Variants in TMEM67 observed in about 807,000 individuals in gnomAD.
TMEM67 encodes transmembrane protein 67.
Under a neutral mutation model 136.6 loss-of-function variants are expected in TMEM67, and 124 were observed. The observed-to-expected ratio is 0.91, with a 90% CI of 0.78 to 1.05. The LOEUF (loss-of-function observed/expected upper bound fraction) is 1.05, where lower values mean the gene tolerates loss of function less well. TMEM67 is among the 50% of genes least tolerant of loss of function. TMEM67 has a pLI of 0.00. For synonymous variants in TMEM67, 364 were observed against 390.5 expected (o/e 0.93, Z 0.80); for missense variants, 1,107 against 1,178.4 (o/e 0.94, Z 0.89).
chr8:93,770,419 T>C (rs1220041604), intron 6 of TMEM67, among the ~76,000 whole-genome samples: 2 of 152,168 alleles, frequency 1.3e-5, no homozygotes, highest in Admixed American at 1.3e-4. Flanking sequence ...ACCCAAATTT[T>C]CCCAGTTGTT....
At chr8:93,767,481 G>A (rs1389683321) in intron 6 of TMEM67, among the ~76,000 whole-genome samples, 1 of 152,132 alleles carries the variant, frequency 6.6e-6, no homozygotes, top group Admixed American at 6.5e-5. Context: ...GTTGCCAAAG[G>A]TTAATTTTGG....
In TMEM67 at chr8:93,755,818, T is replaced by C; in HGVS notation, c.264T>C (p.Ser88=). The C allele has an allele frequency of 6.6e-7, 1 of 1,514,622 alleles. No individual in the cohort carries two copies. The highest frequency in any genetic ancestry group is 9.1e-7 in the Non-Finnish European group (1 of 1,104,116). The allele number at this position is 1,514,622 out of a possible 1,614,324, so 93.8% of individuals were successfully genotyped here. A position where few individuals can be genotyped will look rare whatever the true frequency, so the allele number is the denominator to read the frequency against. Residue 88 remains serine (S), a synonymous_variant, in exon 2 of 28, where the codon TCT becomes TCC. Transcript: ENST00000453321. ...CVCLPGFQMI[S]NNGGPAIICK... is the part of the protein sequence containing the mutation. The stretch of plus-strand genomic sequence containing the variant: ...GTCTACCAGGATTTCAGATGATCTC[T>C]AATAATGGAGGACCTGCTATTATTT...
At chr8:93,830,275 C>T in the TMEM67 span, among the ~76,000 whole-genome samples, 7 of 152,222 alleles carry the variant, frequency 4.6e-5, no homozygotes, top group South Asian at 6.2e-4. Context: ...CTGCACCCTT[C>T]CCCCCATGCC....
At chr8:93,795,565 C>G (rs1057158382) in intron 17 of TMEM67, 58 bp downstream of exon 17, 15 of 1,396,498 alleles carry the variant, frequency 1.1e-5, no homozygotes, top group Non-Finnish European at 1.5e-5. Flanking sequence ...GAAAAGCTTT[C>G]TTTATAAAGG....
intron 2 of TMEM67, chr8:93,757,088 A>G (rs1474193552): frequency 2.2e-5 from 2 of 89,100 alleles, no homozygotes; most frequent in African/African-American, 8.6e-5. Flanking sequence ...AAATAAATAA[A>G]ATATAAATAA....
intron 3 of TMEM67, among the ~76,000 whole-genome samples, chr8:93,760,836 C>T (rs1486850435): frequency 6.6e-6 from 1 of 151,840 alleles, no homozygotes; most frequent in Non-Finnish European, 1.5e-5. Context: ...TGTAAAGCTC[C>T]TACAGATAAA....
intron 18 of TMEM67, 61 bp from the exon 19 acceptor site, chr8:93,797,073 G>C: frequency 2.0e-6 from 2 of 983,942 alleles, no homozygotes; most frequent in Non-Finnish European, 3.3e-6. Context: ...GTCAATATTG[G>C]TTTTATAAGC....
At chr8:93,756,509 A>G (rs942043787) in intron 2 of TMEM67, 3 of 152,172 alleles carry the variant, frequency 2.0e-5, no homozygotes, top group Non-Finnish European at 2.9e-5. Context: ...TCTCATTGTC[A>G]TATAAAAAAT....
intron 3 of TMEM67, chr8:93,758,873 A>G: frequency 3.1e-6 from 1 of 323,526 alleles, no homozygotes; most frequent in Non-Finnish European, 5.8e-6. Flanking sequence ...TGCTGGGATT[A>G]TAGGCATCAG....
At chr8:93,777,855 G>T (rs528824421) in intron 7 of TMEM67, among the ~76,000 whole-genome samples, 21 of 152,290 alleles carry the variant, frequency 1.4e-4, no homozygotes, top group Admixed American at 7.2e-4. Flanking sequence ...GAGTTCTGTA[G>T]GTGTCTATTA....
intron 16 of TMEM67, among the ~76,000 whole-genome samples, chr8:93,794,334 C>G (rs952047119): frequency 6.6e-6 from 1 of 152,164 alleles, no homozygotes; most frequent in Non-Finnish European, 1.5e-5. Flanking sequence ...TTTATACTTT[C>G]ACTTCATGGT....
At chr8:93,803,498 T>C in intron 21 of TMEM67, 106 bp from the exon 22 acceptor site, 1 of 701,580 alleles carries the variant, frequency 1.4e-6, no homozygotes. Flanking sequence ...TAAAGGCCAC[T>C]GTGCTTTTGG....
At chr8:93,771,043 T>G (rs141918892) in intron 6 of TMEM67, among the ~76,000 whole-genome samples, 4 of 152,020 alleles carry the variant, frequency 2.6e-5, no homozygotes, top group Non-Finnish European at 2.9e-5. Context: ...GATTTCTTGG[T>G]CATAGTTGTG....
the TMEM67 span, among the ~76,000 whole-genome samples, chr8:93,828,521 C>T: frequency 1.3e-5 from 2 of 152,152 alleles, no homozygotes; most frequent in Admixed American, 1.3e-4. Flanking sequence ...GGGTGGATTG[C>T]TTGAGGTCAA....
chr8:93,820,249 C>A (rs144300242), downstream of TMEM67, among the ~76,000 whole-genome samples: 2 of 152,216 alleles, frequency 1.3e-5, no homozygotes, highest in African/African-American at 4.8e-5. Context: ...AAGAAACTTT[C>A]CTGTCTCCCC....
chr8:93,808,050 A>G (rs1011158620), intron 23 of TMEM67, among the ~76,000 whole-genome samples: 44 of 151,780 alleles, frequency 2.9e-4, no homozygotes, highest in Non-Finnish European at 7.4e-5. Context: ...ATCATTTGCA[A>G]TTATAAGACT....
intron 9 of TMEM67, among the ~76,000 whole-genome samples, 160 bp from the exon 10 acceptor site, chr8:93,781,498 G>T (rs527845722): frequency 1.4e-4 from 21 of 152,178 alleles, no homozygotes; most frequent in Admixed American, 7.2e-4. Flanking sequence ...ATTCTTTCAG[G>T]TCTATTTAGT....
At chr8:93,802,438 G>T (rs564580652) in intron 21 of TMEM67, among the ~76,000 whole-genome samples, 1 of 151,994 alleles carries the variant, frequency 6.6e-6, no homozygotes, top group South Asian at 2.1e-4. Flanking sequence ...AGAAAGGATT[G>T]TTGGGACAGC....
rs1409806154 is a variant in TMEM67 at position 93,788,087 on chromosome 8, T to TA, written c.1518+140dup. 3 of 681,188 alleles carry TA rather than the reference T, an allele frequency of 4.4e-6. No homozygotes were observed. In the Admixed American group the frequency reaches 7.8e-5, roughly 18 times the overall value. The allele number at this position is 681,188 out of a possible 1,614,324, so 42.2% of individuals were successfully genotyped here. On this transcript the variant is annotated intron_variant, in intron 14 of 27. Coordinates refer to ENST00000453321, the MANE Select transcript of TMEM67 (RefSeq NM_153704.6). ...CCTTTCTCTACATATAGTCAAGTCT[T>TA]AATTATTCTTTACTAATAATGGTAA... is the stretch of plus-strand genomic sequence containing the variant.
Sources: gnomAD v4.1 joint callset for allele counts (sites outside exome capture counted in the v4.1 genomes callset) on GRCh38, gnomAD v4.1.1 for gene constraint, MANE v1.5 for transcripts, NCBI Gene and HGNC (gene_info 2026-07-23, HGNC 2026-07-21) for gene names.